Variants in SLCO1C1 observed in about 807,000 individuals in gnomAD.
SLCO1C1 encodes solute carrier organic anion transporter family member 1C1, also known as OAT-RP-5.
In SLCO1C1, 70 loss-of-function variants were observed where a neutral mutation model predicts 76.4. That is an observed-to-expected ratio of 0.92 (90% CI 0.76 to 1.12). The LOEUF (loss-of-function observed/expected upper bound fraction) is 1.12. SLCO1C1 is among the 50% of genes most tolerant of loss of function. The pLI is 0.00. For missense variants in SLCO1C1, 912 were observed against 823.8 expected (o/e 1.11, Z -1.31); for synonymous variants, 306 against 286.1 (o/e 1.07, Z -0.70).
intron 2 of SLCO1C1, 136 bp from the exon 3 acceptor site, chr12:20,701,182 A>T: frequency 1.1e-6 from 1 of 874,674 alleles, no homozygotes; most frequent in Non-Finnish European, 1.6e-6. Context: ...TGTTTGAATT[A>T]AAGTTTCAGT....
chr12:20,733,007 T>A lies in SLCO1C1; in HGVS notation c.1285T>A (p.Leu429Met). 1 of 1,613,880 alleles carries A rather than the reference T, an allele frequency of 6.2e-7. No individual in the cohort carries two copies. The highest frequency in any genetic ancestry group is 1.7e-5 in the Admixed American group (1 of 59,994). ...ISVCGAAKLY[L>M]GSSVFGYLLF... The stretch of plus-strand genomic sequence containing the variant: ...TGTGTGTGGAGCTGCAAAACTCTAC[T>A]TGGGATCATCTGTCTTTGGTTACCT... The change falls in exon 10 of 15, where the codon TTG (leucine) becomes ATG (methionine). Residue 429 changes from leucine to methionine, a missense_variant. Coordinates refer to ENST00000266509, the MANE Select transcript of SLCO1C1 (RefSeq NM_017435.5).
At chr12:20,745,841 A>G (rs879408502) in intron 13 of SLCO1C1, among the ~76,000 whole-genome samples, 7 of 152,108 alleles carry the variant, frequency 4.6e-5, no homozygotes, top group Admixed American at 2.0e-4. Context: ...AAAGAAAAAA[A>G]AAAAGAAATA....
rs58047375 is a variant in SLCO1C1, at chr12:20,739,388, G to GT, written c.1549-787dup. ...ATAAGAAGATGGAGAGATGGGAGTT[G>GT]TTTTTTTTTGTTTTTTTTTTTAAAT... On this transcript the variant is annotated intron_variant, in intron 11 of 14. Coordinates refer to ENST00000266509, the MANE Select transcript of SLCO1C1 (RefSeq NM_017435.5). 6.2e-3 allele frequency among the ~76,000 whole-genome samples: 917 copies of GT among 148,404 alleles called. 5 individuals carry two copies. Among genetic ancestry groups the GT allele is most frequent in the Middle Eastern group, 0.018 (5 of 284 alleles).
At chr12:20,726,909 G>A (rs780472716) in intron 9 of SLCO1C1, among the ~76,000 whole-genome samples, 31 of 152,020 alleles carry the variant, frequency 2.0e-4, no homozygotes, top group Non-Finnish European at 4.3e-4. Context: ...CCAACTTTAT[G>A]TCCATGTGTA....
At chr12:20,716,500 G>A (rs10743391) in intron 6 of SLCO1C1, among the ~76,000 whole-genome samples, 96,779 of 152,062 alleles carry the variant, frequency 0.64, 31,900 homozygotes, top group East Asian at 0.96. Context: ...GAGATATTTG[G>A]AAGGGAAGAA....
intron 5 of SLCO1C1, among the ~76,000 whole-genome samples, chr12:20,712,346 G>A (rs1264500904): frequency 1.3e-5 from 2 of 152,172 alleles, no homozygotes; most frequent in African/African-American, 4.8e-5. Flanking sequence ...GTCAAAGGCA[G>A]GAATGCTGAG....
At chr12:20,750,023 A>G (rs10841609) in intron 13 of SLCO1C1, among the ~76,000 whole-genome samples, 69,176 of 151,706 alleles carry the variant, frequency 0.46, 17,575 homozygotes, top group South Asian at 0.63. Flanking sequence ...TGAGTCTGAA[A>G]TGTAAGACAA....
At chr12:20,738,348 T>C (rs1490965091) in intron 11 of SLCO1C1, among the ~76,000 whole-genome samples, 7 of 152,242 alleles carry the variant, frequency 4.6e-5, no homozygotes, top group Admixed American at 2.6e-4. Flanking sequence ...TGCTTTCTAT[T>C]TGTGACTGAT....
chr12:20,718,933 T>C (rs933158133), intron 7 of SLCO1C1, among the ~76,000 whole-genome samples: 2 of 152,178 alleles, frequency 1.3e-5, no homozygotes, highest in Non-Finnish European at 1.5e-5. Context: ...CTTGTTTTAT[T>C]GTGCTTTACT....
chr12:20,720,817 G>A (rs554713860), intron 7 of SLCO1C1, among the ~76,000 whole-genome samples: 1 of 152,088 alleles, frequency 6.6e-6, no homozygotes, highest in Non-Finnish European at 1.5e-5. Context: ...GAGCAGCATG[G>A]AGAAACCCTG....
At chr12:20,737,809 T>A (rs1948617577) in intron 11 of SLCO1C1, among the ~76,000 whole-genome samples, 1 of 152,140 alleles carries the variant, frequency 6.6e-6, no homozygotes, top group Admixed American at 6.6e-5. Context: ...ATGGAGGGTT[T>A]CCATAGGGCA....
Position 20,725,607 on chromosome 12 carries a change from C to T in SLCO1C1, c.1186+2353C>T, listed in dbSNP as rs374077208. On this transcript the variant is annotated intron_variant, in intron 9 of 14. Coordinates refer to ENST00000266509, the MANE Select transcript of SLCO1C1 (RefSeq NM_017435.5). Reference sequence around the variant, plus strand: ...GGACATTTGTGTTGTTTTCTTTTAACTAATAGTTATTTATAATACTATAAT... The same window carrying T: ...GGACATTTGTGTTGTTTTCTTTTAATTAATAGTTATTTATAATACTATAAT... Among the ~76,000 whole-genome samples the T allele has an allele frequency of 2.7e-5, 4 of 147,646 alleles. No individual in the cohort carries two copies. The South Asian group carries it at 8.4e-4, about 31-fold the overall frequency.
At chr12:20,715,383 T>C in intron 6 of SLCO1C1, 98 bp downstream of exon 6, 1 of 1,358,424 alleles carries the variant, frequency 7.4e-7, no homozygotes, top group East Asian at 2.3e-5. Flanking sequence ...AAGCTTTTTA[T>C]ACTTCATATC....
chr12:20,743,344 C>CT lies in SLCO1C1; in HGVS notation c.1774dup (p.Tyr592LeufsTer22). ...AGCTTAAGTCTTTTGCCTTGGGTAT[C>CT]TACACATTAGCAATAAGAGTTCTTG... On this transcript the variant is annotated frameshift_variant, in exon 13 of 15. Coordinates refer to ENST00000266509, the MANE Select transcript of SLCO1C1 (RefSeq NM_017435.5). LOFTEE classifies it high-confidence loss of function. The CT allele has an allele frequency of 6.2e-7, 1 of 1,612,964 alleles. No homozygotes were observed. The highest frequency in any genetic ancestry group is 8.5e-7 in the Non-Finnish European group (1 of 1,179,366).
intron 5 of SLCO1C1, among the ~76,000 whole-genome samples, 172 bp from the exon 6 acceptor site, chr12:20,714,967 G>A (rs1238110391): frequency 1.3e-5 from 2 of 152,170 alleles, no homozygotes; most frequent in African/African-American, 2.4e-5. Flanking sequence ...TGCCTAAAAG[G>A]TTGAAGGTAT....
chr12:20,717,805 T>C (rs1011960108), intron 7 of SLCO1C1, among the ~76,000 whole-genome samples: 2 of 151,726 alleles, frequency 1.3e-5, no homozygotes, highest in African/African-American at 4.8e-5. Context: ...GGGACACTGA[T>C]TTTTCCATAG....
Position 20,713,806 on chromosome 12 carries a change from T to C in SLCO1C1, c.530-1333T>C, listed in dbSNP as rs527884127. Among the ~76,000 whole-genome samples, 7 of 152,282 alleles carry C rather than the reference T, an allele frequency of 4.6e-5. No homozygotes were observed. In the South Asian group the frequency reaches 1.0e-3, roughly 23 times the overall value. ...AATATAGTTAGTGTGACAGAGAAAG[T>C]GAATTTTAATTTTATTTAATTTCAA... On this transcript the variant is annotated intron_variant, in intron 5 of 14. Transcript: ENST00000266509.
intron 11 of SLCO1C1, among the ~76,000 whole-genome samples, chr12:20,739,575 C>A (rs778988066): frequency 9.9e-5 from 15 of 151,796 alleles, no homozygotes; most frequent in Non-Finnish European, 1.9e-4. Context: ...TTGGAAAGGG[C>A]AAAATGGGGC....
chr12:20,717,221 G>A lies in SLCO1C1; in HGVS notation c.766G>A (p.Val256Ile). 1 of 1,578,664 alleles carries A rather than the reference G, an allele frequency of 6.3e-7. No homozygotes were observed. Among genetic ancestry groups the A allele is most frequent in the Non-Finnish European group, 8.6e-7 (1 of 1,169,484 alleles). Reference protein sequence around the residue: ...CAKLYVDIGFVNLDHITITPK... With the variant: ...CAKLYVDIGFINLDHITITPK... ...CAAACTATATGTTGACATTGGCTTT[G>A]TAAACCTAGGTAAGGAAGTTTATTT... Residue 256 changes from valine to isoleucine, a missense_variant, in exon 7 of 15, where the codon GTA becomes ATA. By Grantham distance (29) the Val-to-Ile change is conservative. Transcript: ENST00000266509.
Sources: gnomAD v4.1 joint callset for allele counts (sites outside exome capture counted in the v4.1 genomes callset) on GRCh38, gnomAD v4.1.1 for gene constraint, MANE v1.5 for transcripts, NCBI Gene and HGNC (gene_info 2026-07-23, HGNC 2026-07-21) for gene names.